The following ANK3 variants were observed in gnomAD, a reference collection of about 807,000 sequenced individuals.
ANK3 encodes ankyrin-3.
ANK3 carries 57 observed loss-of-function variants against 370.9 expected under a neutral mutation model. That is an observed-to-expected ratio of 0.15 (90% CI 0.12 to 0.19). The LOEUF is 0.19. Ranked by LOEUF, ANK3 falls within the 10% of genes least tolerant of loss-of-function variation. ANK3 has a pLI of 1.00. For missense variants in ANK3, 4,439 were observed against 5,302.1 expected, an observed-to-expected ratio of 0.84 and a Z score of 5.06; for synonymous variants, 1,929 against 1,946.3, an observed-to-expected ratio of 0.99 and a Z score of 0.23.
At chr10:60,288,889 AAC>A (rs35560146) in intron 1 of ANK3, among the ~76,000 whole-genome samples, 4,252 of 139,122 alleles carry the variant, frequency 0.031, 79 homozygotes, top group Non-Finnish European at 0.038. Context: ...AGGTAGGAAT[AAC>A]ACACACACAC....
intron 21 of ANK3, among the ~76,000 whole-genome samples, chr10:60,171,700 C>A (rs2095798666): frequency 6.6e-6 from 1 of 152,152 alleles, no homozygotes; most frequent in South Asian, 2.1e-4. Flanking sequence ...CTAGAGGCTG[C>A]AGCTTGTAAA....
intron 2 of ANK3, among the ~76,000 whole-genome samples, chr10:60,447,288 G>C (rs1231174963): frequency 6.6e-6 from 1 of 152,152 alleles, no homozygotes; most frequent in Non-Finnish European, 1.5e-5. Context: ...AGGGGTATCA[G>C]GACAAATGGA....
chr10:60,353,163 T>G lies in ANK3; in HGVS notation c.114+36262A>C, dbSNP rs570817588. Among the ~76,000 whole-genome samples the G allele has an allele frequency of 8.9e-4, 134 of 150,456 alleles. 1 individual carries two copies. Among genetic ancestry groups the G allele is most frequent in the East Asian group, 6.2e-3 (32 of 5,150 alleles). The stretch of plus-strand genomic sequence containing the variant: ...ACCTGGCTAATTTTTGTTTTGTTTT[T>G]TTTTTTTTTTTTAGAGACTGGGTTT... On this transcript the variant is annotated intron_variant, in intron 1 of 43. Coordinates refer to ENST00000280772, the MANE Select transcript of ANK3 (RefSeq NM_020987.5).
chr10:60,520,555 T>G (rs1245489563), intron 2 of ANK3, among the ~76,000 whole-genome samples: 2 of 152,140 alleles, frequency 1.3e-5, no homozygotes, highest in Non-Finnish European at 1.5e-5. Context: ...AAAAGTTACC[T>G]TCTAAGAGGC....
At chr10:60,378,613 T>C (rs1172634829) in intron 1 of ANK3, among the ~76,000 whole-genome samples, 1 of 152,118 alleles carries the variant, frequency 6.6e-6, no homozygotes, top group Non-Finnish European at 1.5e-5. Context: ...ATTCCTTCAA[T>C]AATTGGTGCT....
In ANK3 at chr10:60,671,492, G is replaced by T. The variant is rs114420373; in HGVS notation, c.58-56268C>A. Among the ~76,000 whole-genome samples the T allele has an allele frequency of 2.7e-3, 417 of 152,224 alleles. 1 individual carries two copies. Among genetic ancestry groups the T allele is most frequent in the African/African-American group, 9.8e-3 (405 of 41,514 alleles). ...TACACTCTAATTCAGCACTTCCTTTGTGTTTGTCATAGCACTTTTTGCCTT... is the reference window on the plus strand; with the variant it reads ...TACACTCTAATTCAGCACTTCCTTTTTGTTTGTCATAGCACTTTTTGCCTT... On this transcript the variant is annotated intron_variant, in intron 1 of 43. Coordinates refer to the ANK3 transcript ENST00000373827.
chr10:60,085,765 G>C (rs1440433072), intron 30 of ANK3, among the ~76,000 whole-genome samples: 1 of 152,038 alleles, frequency 6.6e-6, no homozygotes, highest in Non-Finnish European at 1.5e-5. Context: ...ACAGGTGCCT[G>C]CGACCACGCC....
At chr10:60,059,018 G>C (rs1564676150) in intron 41 of ANK3, among the ~76,000 whole-genome samples, 1 of 152,066 alleles carries the variant, frequency 6.6e-6, no homozygotes, top group Non-Finnish European at 1.5e-5. Flanking sequence ...TTATTTTAAA[G>C]GAACAATAAT....
intron 23 of ANK3, among the ~76,000 whole-genome samples, chr10:60,164,108 T>A (rs1306126066): frequency 6.6e-6 from 1 of 152,174 alleles, no homozygotes; most frequent in Non-Finnish European, 1.5e-5. Flanking sequence ...CCTTTTAGAA[T>A]CCAAATTTCA....
intron 28 of ANK3, among the ~76,000 whole-genome samples, chr10:60,092,346 A>G (rs541667406): frequency 6.6e-6 from 1 of 152,258 alleles, no homozygotes; most frequent in East Asian, 1.9e-4. Context: ...TTTATCAGAT[A>G]CGTGAGGCTG....
chr10:60,255,472 C>A (rs2097720997), intron 7 of ANK3, among the ~76,000 whole-genome samples: 1 of 152,148 alleles, frequency 6.6e-6, no homozygotes, highest in Non-Finnish European at 1.5e-5. Context: ...ATGACTAGGG[C>A]ATCTCAACTT....
chr10:60,120,162 A>G (rs569462790), intron 25 of ANK3, among the ~76,000 whole-genome samples: 54 of 152,302 alleles, frequency 3.5e-4, no homozygotes, highest in African/African-American at 1.3e-3. Flanking sequence ...AAATCCATAC[A>G]TCTACAGTGA....
At chr10:60,344,578 A>T (rs1210751533) in intron 1 of ANK3, among the ~76,000 whole-genome samples, 1 of 152,200 alleles carries the variant, frequency 6.6e-6, no homozygotes, top group Non-Finnish European at 1.5e-5. Context: ...CACTCCTCTT[A>T]AAAATGTTGC....
chr10:60,699,290 T>TA (rs931315397), intron 1 of ANK3, among the ~76,000 whole-genome samples: 1 of 151,356 alleles, frequency 6.6e-6, no homozygotes, highest in Non-Finnish European at 1.5e-5. Context: ...ATAAATAGAT[T>TA]AAAAAAAAGA....
chr10:60,168,711 C>T (rs552454673), intron 21 of ANK3, among the ~76,000 whole-genome samples: 1 of 152,266 alleles, frequency 6.6e-6, no homozygotes, highest in African/African-American at 2.4e-5. Context: ...TCCCCACCCC[C>T]AGGCCCCAGT....
intron 2 of ANK3, among the ~76,000 whole-genome samples, chr10:60,399,891 A>G (rs2063319931): frequency 6.6e-6 from 1 of 152,206 alleles, no homozygotes; most frequent in Non-Finnish European, 1.5e-5. Flanking sequence ...TGGGTTACAG[A>G]AAGTTTCAAT....
chr10:60,139,026 C>A lies in ANK3; in HGVS notation c.2676G>T (p.Leu892Phe). 6.2e-7 allele frequency: 1 copy of A among 1,613,848 alleles called. No homozygotes were observed. Among genetic ancestry groups the A allele is most frequent in the Non-Finnish European group, 8.5e-7 (1 of 1,179,866 alleles). Residue 892 changes from leucine to phenylalanine, a missense_variant, in exon 24 of 44, where the codon TTG becomes TTT. Transcript: ENST00000280772. ...CCTCTGCAGGCAGGGAATCATCACCCAATTCCTTAAGGTCCTGTGGCCCAA... is the reference window on the plus strand; with the variant it reads ...CCTCTGCAGGCAGGGAATCATCACCAAATTCCTTAAGGTCCTGTGGCCCAA... Reference protein sequence around the residue: ...KYLGPQDLKELGDDSLPAEGY... With the variant: ...KYLGPQDLKEFGDDSLPAEGY...
intron 1 of ANK3, among the ~76,000 whole-genome samples, chr10:60,370,968 T>C (rs2132783828): frequency 6.6e-6 from 1 of 152,254 alleles, no homozygotes; most frequent in Admixed American, 6.5e-5. Context: ...GTGCATTCCA[T>C]TCTCAATACA....
chr10:60,622,265 G>C (rs1210559130), intron 1 of ANK3, among the ~76,000 whole-genome samples: 2 of 149,458 alleles, frequency 1.3e-5, no homozygotes, highest in African/African-American at 4.9e-5. Context: ...TTTTTTTTGA[G>C]GTGAAGCCTT....
Sources: allele counts gnomAD v4.1 joint callset (sites outside exome capture counted in the v4.1 genomes callset), GRCh38; gene constraint gnomAD v4.1.1; transcripts MANE v1.5; gene names NCBI Gene and HGNC (gene_info 2026-07-23, HGNC 2026-07-21).